SLC25A12: variants seen among roughly 807,000 people sequenced by gnomAD.
SLC25A12 encodes electrogenic aspartate/glutamate antiporter SLC25A12, mitochondrial.
A neutral mutation model predicts 83.3 loss-of-function variants in SLC25A12; 32 were observed. The ratio of observed to expected loss-of-function variants is 0.38; its 90% confidence interval spans 0.29 to 0.52. SLC25A12 has a LOEUF of 0.52. Among genes scored for constraint, SLC25A12 ranks in the 20% least tolerant of loss-of-function variants. The probability of loss-of-function intolerance (pLI) is 0.84; values close to 1 mark genes in which losing one functional copy is unlikely to be tolerated. For missense variants in SLC25A12, 611 were observed against 835.6 expected (o/e 0.73, Z 3.31); for synonymous variants, 267 against 291.1 (o/e 0.92, Z 0.84).
At chr2:171,851,582 T>C (rs1684934879) in intron 4 of SLC25A12, among the ~76,000 whole-genome samples, 1 of 151,786 alleles carries the variant, frequency 6.6e-6, no homozygotes, top group African/African-American at 2.4e-5. Context: ...TTACCCAGGC[T>C]AGAGTGTAAT....
intron 8 of SLC25A12, among the ~76,000 whole-genome samples, chr2:171,829,880 C>T (rs983753582): frequency 1.3e-5 from 2 of 152,168 alleles, no homozygotes; most frequent in Non-Finnish European, 1.5e-5. Flanking sequence ...ACACAGTCTC[C>T]GCTACTGATC....
chr2:171,788,280 CT>C (rs1051064331), intron 15 of SLC25A12: 291 of 236,128 alleles, frequency 1.2e-3, no homozygotes, highest in African/African-American at 5.9e-3. Flanking sequence ...ATTTTACCTC[CT>C]TTTTTTCTTA....
chr2:171,860,717 A>C (rs961614971), intron 3 of SLC25A12, among the ~76,000 whole-genome samples: 1 of 152,162 alleles, frequency 6.6e-6, no homozygotes, highest in Non-Finnish European at 1.5e-5. Context: ...AATGTATTAA[A>C]AAAAAGATGG....
At chr2:171,868,603 T>A (rs938082369) in intron 3 of SLC25A12, 78 bp downstream of exon 3, 11 of 1,446,794 alleles carry the variant, frequency 7.6e-6, no homozygotes, top group Non-Finnish European at 1.1e-5. Context: ...CATGAGCCAC[T>A]GTGCCCAGCT....
chr2:171,887,735 G>A (rs1417160545), intron 2 of SLC25A12, among the ~76,000 whole-genome samples: 1 of 152,132 alleles, frequency 6.6e-6, no homozygotes, highest in Non-Finnish European at 1.5e-5. Context: ...CAGTTGTAAG[G>A]GTGGTAATGG....
intron 8 of SLC25A12, among the ~76,000 whole-genome samples, chr2:171,832,585 C>T (rs1230699494): frequency 6.6e-6 from 1 of 152,186 alleles, no homozygotes; most frequent in Non-Finnish European, 1.5e-5. Context: ...CATTATACCT[C>T]TAACTGCAAC....
chr2:171,788,735 T>C (rs1368122599), intron 15 of SLC25A12: 1 of 152,452 alleles, frequency 6.6e-6, no homozygotes, highest in Non-Finnish European at 1.5e-5. Context: ...TATCACTGTA[T>C]CCTCACTAGG....
intron 8 of SLC25A12, among the ~76,000 whole-genome samples, chr2:171,828,855 C>A (rs1376124926): frequency 6.6e-6 from 1 of 152,206 alleles, no homozygotes; most frequent in Admixed American, 6.5e-5. Flanking sequence ...CACAGTGGGT[C>A]ATCAGTGGTG....
chr2:171,873,741 T>C (rs1233983055), intron 2 of SLC25A12, among the ~76,000 whole-genome samples: 2 of 152,002 alleles, frequency 1.3e-5, no homozygotes, highest in African/African-American at 4.8e-5. Flanking sequence ...ATATATATAA[T>C]GTTAATATAT....
At chr2:171,875,003 G>A (rs1685534187) in intron 2 of SLC25A12, among the ~76,000 whole-genome samples, 1 of 152,182 alleles carries the variant, frequency 6.6e-6, no homozygotes, top group Non-Finnish European at 1.5e-5. Flanking sequence ...TTCGCAATCA[G>A]ACCGACTGCA....
intron 8 of SLC25A12, among the ~76,000 whole-genome samples, chr2:171,830,049 G>A (rs1208839573): frequency 6.6e-6 from 1 of 152,340 alleles, no homozygotes; most frequent in East Asian, 1.9e-4. Context: ...CGTGTTTTAT[G>A]GCAGGCTGGA....
At chr2:171,800,348 CAT>C (rs1491057312) in intron 13 of SLC25A12, among the ~76,000 whole-genome samples, 3 of 148,388 alleles carry the variant, frequency 2.0e-5, no homozygotes, top group South Asian at 2.2e-4. Flanking sequence ...CACACACACA[CAT>C]ATACGAATAG....
At chr2:171,873,850 G>T (rs1685507747) in intron 2 of SLC25A12, among the ~76,000 whole-genome samples, 1 of 151,894 alleles carries the variant, frequency 6.6e-6, no homozygotes, top group African/African-American at 2.4e-5. Flanking sequence ...TCTTGCTTTT[G>T]TCGAATTCAG....
In SLC25A12 at chr2:171,834,709, T is replaced by C. The variant is rs767526148; in HGVS notation, c.751+18A>G. The C allele has an allele frequency of 3.1e-6, 5 of 1,611,324 alleles. No individual in the cohort carries two copies. The Admixed American group carries it at 8.3e-5, about 27-fold the overall frequency. ...GAAAATGCTGAGATTCTTATTTATGTATATTTTAAAATCTTACCCTTTGTG... is the reference window on the plus strand; with the variant it reads ...GAAAATGCTGAGATTCTTATTTATGCATATTTTAAAATCTTACCCTTTGTG... On this transcript the variant is annotated intron_variant, in intron 7 of 17. Coordinates refer to ENST00000422440, the MANE Select transcript of SLC25A12 (RefSeq NM_003705.5).
chr2:171,804,243 T>C (rs758818710), intron 13 of SLC25A12, among the ~76,000 whole-genome samples: 1 of 143,612 alleles, frequency 7.0e-6, no homozygotes, highest in Non-Finnish European at 1.6e-5. Context: ...AGGCCACATA[T>C]CATGATTCCT....
chr2:171,861,486 A>G (rs1361568134), intron 3 of SLC25A12, among the ~76,000 whole-genome samples: 1 of 152,198 alleles, frequency 6.6e-6, no homozygotes, highest in East Asian at 1.9e-4. Flanking sequence ...AGCTCACTGT[A>G]ACCTAGAACT....
At chr2:171,867,159 A>G (rs1685346527) in intron 3 of SLC25A12, among the ~76,000 whole-genome samples, 2 of 145,132 alleles carry the variant, frequency 1.4e-5, no homozygotes, top group Admixed American at 1.4e-4. Flanking sequence ...CTGGGCAGCC[A>G]GGCAGAGGGG....
chr2:171,799,202 T>TTA (rs1411355105), intron 13 of SLC25A12, among the ~76,000 whole-genome samples: 1 of 152,204 alleles, frequency 6.6e-6, no homozygotes, highest in African/African-American at 2.4e-5. Flanking sequence ...TTTCTGTTGT[T>TTA]TATAAATTAC....
intron 4 of SLC25A12, among the ~76,000 whole-genome samples, chr2:171,846,737 C>T (rs1361880707): frequency 6.6e-6 from 1 of 152,018 alleles, no homozygotes; most frequent in Non-Finnish European, 1.5e-5. Flanking sequence ...ACTCGGGAGG[C>T]GGAGGTTGCA....
Sources: allele counts gnomAD v4.1 joint callset (sites outside exome capture counted in the v4.1 genomes callset), GRCh38; gene constraint gnomAD v4.1.1; transcripts MANE v1.5; gene names NCBI Gene and HGNC (gene_info 2026-07-23, HGNC 2026-07-21).